MYO15A: variants seen among roughly 807,000 people sequenced by gnomAD.
MYO15A encodes the protein myosin XVA.
In MYO15A, 308 loss-of-function variants were observed where a neutral mutation model predicts 394.6. That is an observed-to-expected ratio of 0.78 (90% CI 0.71 to 0.86). MYO15A has a LOEUF of 0.86. Among genes scored for constraint, MYO15A ranks in the 40% least tolerant of loss-of-function variants. The pLI is 0.00. For synonymous variants in MYO15A, 1,957 were observed against 2,003.8 expected, an observed-to-expected ratio of 0.98 and a Z score of 0.62; for missense variants, 4,606 against 4,799.1, an observed-to-expected ratio of 0.96 and a Z score of 1.19.
chr17:18,144,129 T>G, intron 28 of MYO15A, 129 bp downstream of exon 28: 1 of 1,444,888 alleles, frequency 6.9e-7, no homozygotes, highest in South Asian at 1.2e-5. Flanking sequence ...TTTTAGTTGC[T>G]GGATCATAGG....
chr17:18,128,377 G>A (rs1465002558), intron 7 of MYO15A, among the ~76,000 whole-genome samples: 1 of 152,044 alleles, frequency 6.6e-6, no homozygotes, highest in Non-Finnish European at 1.5e-5. Flanking sequence ...CAACCCTGGG[G>A]CCCACAAAGG....
rs1231261908 is a variant in MYO15A at position 18,156,188 on chromosome 17, C to G, written c.8460-7C>G. 6.2e-7 allele frequency: 1 copy of G among 1,613,914 alleles called. No individual in the cohort carries two copies. The highest frequency in any genetic ancestry group is 8.5e-7 in the Non-Finnish European group (1 of 1,179,934). ...CAGGGGAGTCATGCCACCGGCCCATCCTCCAGCTTTGCAGATATCCTGTTT... is the reference window on the plus strand; with the variant it reads ...CAGGGGAGTCATGCCACCGGCCCATGCTCCAGCTTTGCAGATATCCTGTTT... On this transcript the variant is annotated splice_polypyrimidine_tract_variant and splice_region_variant and intron_variant, in intron 47 of 65. Transcript: ENST00000647165.
Position 18,157,079 on chromosome 17 carries a change from G to T in MYO15A, c.8713+14G>T. The T allele has an allele frequency of 1.2e-6, 2 of 1,613,712 alleles. No homozygotes were observed. The highest frequency in any genetic ancestry group is 2.2e-5 in the South Asian group (2 of 91,056). ...CACCTCGAGTGGGTCAGTGCCACTG[G>T]GGTGGGCTGGGGGCAGGAGGGGGAG... On this transcript the variant is annotated intron_variant, in intron 49 of 65. Transcript: ENST00000647165.
At position 18,161,267 on chromosome 17, in the gene MYO15A, C is replaced by T. The variant is rs765843563; in HGVS notation, c.9387-50C>T. On this transcript the variant is annotated intron_variant, in intron 56 of 65. Transcript: ENST00000647165. The stretch of plus-strand genomic sequence containing the variant: ...GCTCAATCCCAGGAGGCTCTTGGCA[C>T]ACTCTAGTGCTGTGGCCACCTCTGC... 7.9e-5 allele frequency: 126 copies of T among 1,603,926 alleles called. No homozygotes were observed. In the Admixed American group the frequency reaches 1.9e-3, roughly 25 times the overall value.
At position 18,151,252 on chromosome 17, in the gene MYO15A, C is replaced by A. The variant is rs762705684; in HGVS notation, c.7616C>A (p.Ala2539Asp). 4 of 1,613,986 alleles carry A rather than the reference C, an allele frequency of 2.5e-6. No homozygotes were observed. In the African/African-American group the frequency reaches 5.3e-5, roughly 22 times the overall value. Residue 2539 changes from alanine (A) to aspartate (D), a missense_variant, in exon 39 of 66, where the codon GCC (alanine) becomes GAC (aspartate). Physicochemically the swap from Ala to Asp is moderately radical, Grantham distance 126 (BLOSUM62 -2). This residue lies in a region of MYO15A where 2,776 missense variants were observed against 3,109.3 expected (regional missense o/e 0.89). Transcript: ENST00000647165. Reference protein sequence around the residue: ...APRLPIKPVAAPVLAQDQASP... With the variant: ...APRLPIKPVADPVLAQDQASP... The stretch of plus-strand genomic sequence containing the variant: ...AGGCTCCCCATCAAGCCTGTGGCTG[C>A]CCCTGTTCTAGCTCAGGATCAGGCT...
chr17:18,162,185 G>C (rs928920193), intron 57 of MYO15A, among the ~76,000 whole-genome samples: 1 of 152,146 alleles, frequency 6.6e-6, no homozygotes, highest in African/African-American at 2.4e-5. Flanking sequence ...GCACTGGGAG[G>C]CCTGGGTGAG....
chr17:18,131,642 A>C, intron 10 of MYO15A, 111 bp downstream of exon 10: 2 of 1,277,608 alleles, frequency 1.6e-6, no homozygotes, highest in Non-Finnish European at 2.2e-6. Context: ...TAATGAACGA[A>C]TACATGCGTA....
intron 38 of MYO15A, 30 bp from the exon 39 acceptor site, chr17:18,151,080 C>A (rs367860934): frequency 9.3e-6 from 15 of 1,613,302 alleles, no homozygotes; most frequent in Non-Finnish European, 1.3e-5. Context: ...ATATCCCAGG[C>A]AGCCCACCCT....
chr17:18,127,836 T>G (rs978453335), intron 7 of MYO15A, among the ~76,000 whole-genome samples: 119 of 55,888 alleles, frequency 2.1e-3, no homozygotes, highest in African/African-American at 8.3e-3. Context: ...AAAAAAAAGA[T>G]ATATATATAT....
chr17:18,129,651 G>A (rs913155294), intron 7 of MYO15A, among the ~76,000 whole-genome samples: 4 of 152,164 alleles, frequency 2.6e-5, no homozygotes, highest in Non-Finnish European at 4.4e-5. Flanking sequence ...CTCATCACTC[G>A]AGTGGACTCT....
intron 41 of MYO15A, 78 bp downstream of exon 41, chr17:18,152,029 A>G (rs887412481): frequency 6.5e-7 from 1 of 1,537,986 alleles, no homozygotes; most frequent in African/African-American, 1.4e-5. Context: ...GAAACCAGCT[A>G]CCCCTATAAG....
At chr17:18,129,053 C>T (rs2046105275) in intron 7 of MYO15A, among the ~76,000 whole-genome samples, 1 of 152,172 alleles carries the variant, frequency 6.6e-6, no homozygotes, top group Admixed American at 6.5e-5. Context: ...CTTGGCTCCA[C>T]CCTCCCCCAT....
rs377388326 is a variant in MYO15A, at chr17:18,124,046, TG to T, written c.3610-433del. 307 of 239,844 alleles carry T rather than the reference TG, an allele frequency of 1.3e-3. 2 individuals are homozygous for T. The highest frequency in any genetic ancestry group is 6.1e-3 in the African/African-American group (278 of 45,670). 14.9% of individuals were successfully genotyped at this position (239,844 alleles called of 1,614,324 possible). ...CCACGCATTTTCCCCAGGATGAGCA[TG>T]GGGTTGTGGTGCTAAGACAGTCTCC... is the stretch of plus-strand genomic sequence containing the variant. On this transcript the variant is annotated intron_variant, in intron 2 of 65. Transcript: ENST00000647165.
rs1035978045 is a variant in MYO15A, at chr17:18,164,094, G to A, written c.9787+256G>A. On this transcript the variant is annotated intron_variant, in intron 60 of 65. Coordinates refer to ENST00000647165, the MANE Select transcript of MYO15A (RefSeq NM_016239.4). ...TCCCTCCCTTTGTCCCTCAGGACAT[G>A]CTCAATGTGAGGACACAGGCCGTGC... The A allele has an allele frequency of 5.6e-6, 3 of 534,502 alleles. No homozygotes were observed. The East Asian group carries it at 1.0e-4, about 18-fold the overall frequency. The allele number at this position is 534,502 out of a possible 1,614,324, so 33.1% of individuals were successfully genotyped here. A position where few individuals can be genotyped will look rare whatever the true frequency, so the allele number is the denominator to read the frequency against.
chr17:18,151,228 G>T lies in MYO15A; in HGVS notation c.7592G>T (p.Arg2531Met). 1 of 1,614,044 alleles carries T rather than the reference G, an allele frequency of 6.2e-7. No homozygotes were observed. The highest frequency in any genetic ancestry group is 8.5e-7 in the Non-Finnish European group (1 of 1,180,020). ...CCAGCCCCTCTGGCCAAGGCTCCAAGGCTCCCCATCAAGCCTGTGGCTGCC... is the reference window on the plus strand; with the variant it reads ...CCAGCCCCTCTGGCCAAGGCTCCAATGCTCCCCATCAAGCCTGTGGCTGCC... ...LAPAPLAKAP[R>M]LPIKPVAAPV... Residue 2531 changes from arginine to methionine, a missense_variant, in exon 39 of 66, where the codon AGG (arginine) becomes ATG (methionine). Around this residue, in one of 2 missense-constraint regions of MYO15A, gnomAD observed 2,776 missense variants for 3,109.3 expected, o/e 0.89. Coordinates refer to ENST00000647165, the MANE Select transcript of MYO15A (RefSeq NM_016239.4).
chr17:18,143,947 C>T lies in MYO15A; in HGVS notation c.6124C>T (p.Pro2042Ser), dbSNP rs776768740. 4 of 1,612,400 alleles carry T rather than the reference C, an allele frequency of 2.5e-6. No individual in the cohort carries two copies. Among genetic ancestry groups the T allele is most frequent in the Non-Finnish European group, 3.4e-6 (4 of 1,179,522 alleles). ...RLQAEPRVTL[P>S]LDINNYPMAK... is the part of the protein sequence containing the mutation. ...CCAGGCTGAGCCCCGTGTCACACTG[C>T]CCCTGGACATCAACAACTATCCTAT... Residue 2042 changes from proline (P) to serine (S), a missense_variant, in exon 28 of 66, where the codon CCC becomes TCC. By Grantham distance (74) the Pro-to-Ser change is moderately conservative. Coordinates refer to ENST00000647165, the MANE Select transcript of MYO15A (RefSeq NM_016239.4).
chr17:18,120,825 G>C lies in MYO15A; in HGVS notation c.2025G>C (p.Pro675=), dbSNP rs1326991053. The C allele has an allele frequency of 8.5e-7, 1 of 1,174,272 alleles. No homozygotes were observed. The highest frequency in any genetic ancestry group is 1.1e-6 in the Non-Finnish European group (1 of 951,142). 72.7% of individuals were successfully genotyped at this position (1,174,272 alleles called of 1,614,324 possible). ...CGCGGCCCCCAAGCTCCGGGCCCCCGCCCGCGCCGCCGCTCTCCCCGGCGC... is the reference window on the plus strand; with the variant it reads ...CGCGGCCCCCAAGCTCCGGGCCCCCCCCCGCGCCGCCGCTCTCCCCGGCGC... ...VPPRPPSSGP[P]PAPPLSPALS... The change falls in exon 2 of 66, where the codon CCG becomes CCC. Residue 675 remains proline (P), a synonymous_variant. Transcript: ENST00000647165.
intron 1 of MYO15A, chr17:18,109,416 T>C (rs854765): frequency 0.38 from 65,555 of 170,834 alleles, 16,399 homozygotes; most frequent in Non-Finnish European, 0.55. Context: ...GCACTGCGGC[T>C]CTGTTATGTC....
chr17:18,133,026 C>G (rs1382203425), intron 11 of MYO15A, among the ~76,000 whole-genome samples, 199 bp from the exon 12 acceptor site: 1 of 152,242 alleles, frequency 6.6e-6, no homozygotes, highest in Non-Finnish European at 1.5e-5. Flanking sequence ...CAACAGGTGA[C>G]AACCCCTGCC....
Sources: gnomAD v4.1 joint callset for allele counts (sites outside exome capture counted in the v4.1 genomes callset) on GRCh38, gnomAD v4.1.1 for gene constraint, gnomAD v4.1.1 regional missense constraint, MANE v1.5 for transcripts, NCBI Gene and HGNC (gene_info 2026-07-23, HGNC 2026-07-21) for gene names.